Variants in SOX6 observed in about 807,000 individuals in gnomAD.
SOX6 encodes the protein SRY-box transcription factor 6.
SOX6 carries 11 observed loss-of-function variants against 97.8 expected under a neutral mutation model. That is an observed-to-expected ratio of 0.11 (90% CI 0.07 to 0.19). The LOEUF (loss-of-function observed/expected upper bound fraction) is 0.19. SOX6 is among the 10% of genes least tolerant of loss of function. SOX6 has a pLI of 1.00. For missense variants in SOX6, 810 were observed against 1,039.5 expected (o/e 0.78, Z 3.04); for synonymous variants, 360 against 371.4 (o/e 0.97, Z 0.35).
At chr11:16,013,017 C>G (rs1421490059) in intron 13 of SOX6, among the ~76,000 whole-genome samples, 1 of 151,768 alleles carries the variant, frequency 6.6e-6, no homozygotes, top group African/African-American at 2.4e-5. Flanking sequence ...TAACTTTTTC[C>G]TCTTATATAG....
intron 1 of SOX6, among the ~76,000 whole-genome samples, chr11:16,462,681 A>G (rs1381768011): frequency 6.6e-6 from 1 of 152,226 alleles, no homozygotes; most frequent in East Asian, 1.9e-4. Context: ...GACCAAACCA[A>G]GCCCCTGTGC....
intron 3 of SOX6, among the ~76,000 whole-genome samples, chr11:16,243,627 C>G (rs1669704038): frequency 6.6e-6 from 1 of 151,806 alleles, no homozygotes; most frequent in Non-Finnish European, 1.5e-5. Context: ...AAAGAAGATA[C>G]AGAACATTTC....
At chr11:16,656,192 C>T (rs11828923) in intron 3 of SOX6, among the ~76,000 whole-genome samples, 398 of 152,240 alleles carry the variant, frequency 2.6e-3, no homozygotes, top group African/African-American at 9.2e-3. Context: ...ATTCTCCTGC[C>T]TCAGCCTTCA....
intron 12 of SOX6, among the ~76,000 whole-genome samples, chr11:16,044,527 G>A (rs574445069): frequency 6.6e-5 from 10 of 152,150 alleles, no homozygotes; most frequent in Non-Finnish European, 1.2e-4. Flanking sequence ...GTGCCCCATG[G>A]AACCCCATAA....
chr11:16,124,088 T>C (rs2134010650), intron 6 of SOX6, among the ~76,000 whole-genome samples: 1 of 152,238 alleles, frequency 6.6e-6, no homozygotes, highest in South Asian at 2.1e-4. Context: ...AATTAAACTC[T>C]TCCATGAAAA....
At chr11:16,273,814 A>G (rs932832662) in intron 3 of SOX6, among the ~76,000 whole-genome samples, 3 of 152,070 alleles carry the variant, frequency 2.0e-5, no homozygotes, top group African/African-American at 7.2e-5. Flanking sequence ...TGTTCTTAAC[A>G]ATGAAATTCT....
At chr11:16,646,935 A>ACC (rs767977977) in intron 3 of SOX6, among the ~76,000 whole-genome samples, 5 of 152,164 alleles carry the variant, frequency 3.3e-5, no homozygotes, top group Non-Finnish European at 7.3e-5. Context: ...TGGTAGTTCT[A>ACC]CCTTTACTTC....
chr11:16,702,744 C>T (rs1227198240), intron 3 of SOX6, among the ~76,000 whole-genome samples: 1 of 151,958 alleles, frequency 6.6e-6, no homozygotes, highest in Non-Finnish European at 1.5e-5. Context: ...TTCCTGAGTC[C>T]CAAATCTTCT....
chr11:16,252,436 G>A (rs1032074763), intron 3 of SOX6: 4 of 152,196 alleles, frequency 2.6e-5, no homozygotes, highest in African/African-American at 9.7e-5. Flanking sequence ...CTTTGGAACT[G>A]TGATCTACGA....
chr11:16,139,360 G>T (rs1278103505), intron 6 of SOX6, among the ~76,000 whole-genome samples: 1 of 152,082 alleles, frequency 6.6e-6, no homozygotes, highest in Non-Finnish European at 1.5e-5. Context: ...CTTTCTTTCT[G>T]TAATGTCTTG....
At chr11:16,635,399 G>C (rs1039841405) in intron 3 of SOX6, among the ~76,000 whole-genome samples, 5 of 152,218 alleles carry the variant, frequency 3.3e-5, no homozygotes, top group African/African-American at 1.2e-4. Flanking sequence ...TGCAAAGACA[G>C]AGTGGTGGCA....
intron 4 of SOX6, among the ~76,000 whole-genome samples, chr11:16,498,082 C>A (rs573551299): frequency 6.6e-6 from 1 of 152,088 alleles, no homozygotes; most frequent in Non-Finnish European, 1.5e-5. Context: ...GTCGGGTTAC[C>A]CACAAAGGGA....
At chr11:16,274,649 T>G (rs1021820520) in intron 3 of SOX6, among the ~76,000 whole-genome samples, 3 of 152,190 alleles carry the variant, frequency 2.0e-5, no homozygotes, top group Admixed American at 1.3e-4. Context: ...TTCCCACATT[T>G]GTTAAATTAA....
chr11:16,602,356 C>T (rs1590002493), intron 4 of SOX6, among the ~76,000 whole-genome samples: 1 of 152,120 alleles, frequency 6.6e-6, no homozygotes, highest in South Asian at 2.1e-4. Context: ...TATCGGGATC[C>T]TGCTTACTTA....
intron 3 of SOX6, among the ~76,000 whole-genome samples, chr11:16,298,781 C>T (rs2134270268): frequency 6.6e-6 from 1 of 152,006 alleles, no homozygotes; most frequent in Middle Eastern, 3.4e-3. Flanking sequence ...GTTTTGGCAT[C>T]ACTGTAAATA....
intron 4 of SOX6, among the ~76,000 whole-genome samples, chr11:16,220,640 C>T (rs970178310): frequency 3.3e-5 from 5 of 149,880 alleles, no homozygotes; most frequent in Non-Finnish European, 4.5e-5. Flanking sequence ...ATTGGTGGCA[C>T]ATATCCAAAT....
chr11:16,571,187 G>C (rs886183941), intron 4 of SOX6, among the ~76,000 whole-genome samples: 1 of 152,040 alleles, frequency 6.6e-6, no homozygotes, highest in Non-Finnish European at 1.5e-5. Flanking sequence ...AATTTTCAAA[G>C]GTGAAAGCAT....
rs1178192635 is a variant in SOX6, at chr11:16,610,115, C to A, written n.609+1966G>T. Among the ~76,000 whole-genome samples, 1 of 152,176 alleles carries A rather than the reference C, an allele frequency of 6.6e-6. No homozygotes were observed. Among genetic ancestry groups the A allele is most frequent in the Non-Finnish European group, 1.5e-5 (1 of 68,034 alleles). Reference sequence around the variant, plus strand: ...ATCTCCCCTGTGTGTGTAAGAGTGTCGTTGGGCCTGTTCCAGAGCGTTGCA... The same window carrying A: ...ATCTCCCCTGTGTGTGTAAGAGTGTAGTTGGGCCTGTTCCAGAGCGTTGCA... On this transcript the variant is annotated intron_variant and non_coding_transcript_variant, in intron 4 of 5. Transcript: ENST00000524520. This position sits in a 1 kb window ranked among gnomAD's most constrained non-coding sequence, Gnocchi z 4.4.
chr11:16,407,045 C>T (rs765038919), intron 1 of SOX6, among the ~76,000 whole-genome samples: 3 of 152,078 alleles, frequency 2.0e-5, no homozygotes, highest in Non-Finnish European at 4.4e-5. Flanking sequence ...ATCAGTTATA[C>T]CTTAATAAGG....
Sources: gnomAD v4.1 joint callset for allele counts (sites outside exome capture counted in the v4.1 genomes callset) on GRCh38, gnomAD v4.1.1 for gene constraint, Gnocchi (gnomAD v3.1) non-coding constraint, MANE v1.5 for transcripts, NCBI Gene and HGNC (gene_info 2026-07-23, HGNC 2026-07-21) for gene names.